The following GNAL variants were observed in gnomAD, a reference collection of about 807,000 sequenced individuals.
GNAL encodes the protein G protein subunit alpha L.
GNAL carries 18 observed loss-of-function variants against 55.1 expected under a neutral mutation model. That is an observed-to-expected ratio of 0.33 (90% CI 0.23 to 0.48). The LOEUF (loss-of-function observed/expected upper bound fraction) is 0.48, where lower values mean the gene tolerates loss of function less well. Among genes scored for constraint, GNAL ranks in the 20% least tolerant of loss-of-function variants. The pLI is 0.99. For missense variants in GNAL, 412 were observed against 614.1 expected (o/e 0.67, Z 3.48); for synonymous variants, 253 against 237.0 (o/e 1.07, Z -0.62).
At chr18:11,739,335 AG>A (rs891496054) in intron 1 of GNAL, among the ~76,000 whole-genome samples, 66 of 152,178 alleles carry the variant, frequency 4.3e-4, no homozygotes, top group African/African-American at 1.5e-3. Flanking sequence ...AGGTGTAGAC[AG>A]GTGAATCTTT....
chr18:11,757,736 G>A (rs971522404), intron 4 of GNAL, among the ~76,000 whole-genome samples: 2 of 152,188 alleles, frequency 1.3e-5, no homozygotes, highest in African/African-American at 2.4e-5. Flanking sequence ...CGACATCTAA[G>A]TGGAGACACC....
intron 10 of GNAL, among the ~76,000 whole-genome samples, chr18:11,875,708 C>A (rs1041875633): frequency 3.3e-5 from 5 of 152,176 alleles, no homozygotes; most frequent in African/African-American, 1.2e-4. Context: ...TCCCGTACAG[C>A]CTGCAGAACC....
In GNAL at chr18:11,689,523, T is replaced by TCGGCGCCCAGCCC. The variant is rs2143265261; in HGVS notation, c.-41_-40insCGGCGCCCAGCCC. 1 of 1,033,530 alleles carries TCGGCGCCCAGCCC rather than the reference T, an allele frequency of 9.7e-7. No homozygotes were observed. The highest frequency in any genetic ancestry group is 1.7e-5 in the African/African-American group (1 of 60,202). 64.0% of individuals were successfully genotyped at this position (1,033,530 alleles called of 1,614,324 possible). A position where few individuals can be genotyped will look rare whatever the true frequency, so the allele number is the denominator to read the frequency against. ...ACCAGGCCGCCCTCGGCGCCCAGCCTGCCCTAGTCCCGCGCGCCGCCCCCG... is the reference window on the plus strand; with the variant it reads ...ACCAGGCCGCCCTCGGCGCCCAGCCTCGGCGCCCAGCCCGCCCTAGTCCCGCGCGCCGCCCCCG... On this transcript the variant is annotated 5_prime_UTR_variant, in exon 1 of 12. Transcript: ENST00000334049.
At position 11,706,020 on chromosome 18, in the gene GNAL, G is replaced by T. The variant is rs533734993; in HGVS notation, c.376+16081G>T. Among the ~76,000 whole-genome samples, 4 of 152,226 alleles carry T rather than the reference G, an allele frequency of 2.6e-5. No individual in the cohort carries two copies. The South Asian group carries it at 8.3e-4, about 32-fold the overall frequency. On this transcript the variant is annotated intron_variant, in intron 1 of 11. Transcript: ENST00000334049. ...TCTGCCCACCTCGGCCTTTCAAAGT[G>T]CTGGGATTACAGTGTATGTCTTCTT...
At position 11,867,153 on chromosome 18, in the gene GNAL, C is replaced by T. The variant is rs181272883; in HGVS notation, c.852-15C>T. On this transcript the variant is annotated splice_polypyrimidine_tract_variant and intron_variant, in intron 7 of 11. Transcript: ENST00000334049. ...GCTTCCCCCAAATAATTGTGTTCCT[C>T]TTGCTCTTCCACAGCATGTTTGATG... 2.4e-4 allele frequency: 392 copies of T among 1,601,580 alleles called. 3 individuals are homozygous for T. The African/African-American group carries it at 4.9e-3, about 20-fold the overall frequency.
intron 1 of GNAL, among the ~76,000 whole-genome samples, chr18:11,745,216 G>A (rs2032663818): frequency 6.6e-6 from 1 of 152,144 alleles, no homozygotes; most frequent in African/African-American, 2.4e-5. Flanking sequence ...ATCTTGGCCT[G>A]TCGTGAACTG....
intron 1 of GNAL, among the ~76,000 whole-genome samples, chr18:11,704,934 A>T (rs1326542041): frequency 6.6e-6 from 1 of 151,984 alleles, no homozygotes; most frequent in East Asian, 1.9e-4. Flanking sequence ...TGCATCTTTG[A>T]GTTGATTTCC....
Position 11,868,823 on chromosome 18 carries a change from C to A in GNAL, c.1031+160C>A, listed in dbSNP as rs954085830. Among the ~76,000 whole-genome samples, 1 of 152,064 alleles carries A rather than the reference C, an allele frequency of 6.6e-6. No individual in the cohort carries two copies. The highest frequency in any genetic ancestry group is 2.4e-5 in the African/African-American group (1 of 41,404). The stretch of plus-strand genomic sequence containing the variant: ...CTCAGCAGTTGGAGACTAGCCTGGG[C>A]AACATGGAGAAACCCTGTCTCTACA... On this transcript the variant is annotated intron_variant, in intron 9 of 11. Transcript: ENST00000334049. This position sits in a 1 kb window ranked among gnomAD's most constrained non-coding sequence, Gnocchi z 4.0.
rs9955755 is a variant in GNAL, at chr18:11,737,035, C to T, written c.377-15818C>T. Among the ~76,000 whole-genome samples, 1,483 of 152,280 alleles carry T rather than the reference C, an allele frequency of 9.7e-3. 21 individuals carry two copies. Among genetic ancestry groups the T allele is most frequent in the African/African-American group, 0.034 (1,417 of 41,544 alleles). Reference sequence around the variant, plus strand: ...ACAATTGAAGTAACTGGGTGAAGAGCATGTGGAACATTTTTATACTATTCT... The same window carrying T: ...ACAATTGAAGTAACTGGGTGAAGAGTATGTGGAACATTTTTATACTATTCT... On this transcript the variant is annotated intron_variant, in intron 1 of 11. Transcript: ENST00000334049.
intron 4 of GNAL, among the ~76,000 whole-genome samples, chr18:11,789,616 TA>T (rs2034172524): frequency 6.6e-6 from 1 of 152,252 alleles, no homozygotes; most frequent in South Asian, 2.1e-4. Context: ...ATTATAAGCA[TA>T]AACAAAATGT....
intron 5 of GNAL, among the ~76,000 whole-genome samples, chr18:11,851,053 A>G (rs2035845994): frequency 6.6e-6 from 1 of 152,252 alleles, no homozygotes; most frequent in African/African-American, 2.4e-5. Context: ...TTAGCCCGCT[A>G]GCCAGTCACC....
intron 4 of GNAL, among the ~76,000 whole-genome samples, chr18:11,769,025 AT>A (rs1411881588): frequency 1.2e-5 from 1 of 84,810 alleles, no homozygotes; most frequent in Non-Finnish European, 2.0e-5. Flanking sequence ...CTATATTATA[AT>A]ATATTATATA....
intron 10 of GNAL, 119 bp downstream of exon 10, chr18:11,872,517 T>A (rs2071140): frequency 2.9e-6 from 2 of 679,572 alleles, no homozygotes; most frequent in South Asian, 3.6e-5. Context: ...TAAATCAATT[T>A]TCTTTCTACT....
chr18:11,712,718 C>A (rs2143368797), intron 1 of GNAL, among the ~76,000 whole-genome samples: 1 of 152,306 alleles, frequency 6.6e-6, no homozygotes, highest in East Asian at 1.9e-4. Context: ...AGCACGGATT[C>A]TTAGTTATTC....
At chr18:11,823,183 G>A (rs948601601) in intron 4 of GNAL, among the ~76,000 whole-genome samples, 3 of 152,074 alleles carry the variant, frequency 2.0e-5, no homozygotes, top group African/African-American at 7.2e-5. Context: ...GTATGGACTT[G>A]GATGGCTCTT....
At chr18:11,813,578 G>T (rs2034878446) in intron 4 of GNAL, among the ~76,000 whole-genome samples, 1 of 152,224 alleles carries the variant, frequency 6.6e-6, no homozygotes, top group Admixed American at 6.5e-5. Context: ...AACAAAGTTG[G>T]AGAAGTTAGA....
At chr18:11,828,825 G>T (rs1275609553) in intron 5 of GNAL, among the ~76,000 whole-genome samples, 1 of 152,194 alleles carries the variant, frequency 6.6e-6, no homozygotes, top group Non-Finnish European at 1.5e-5. Context: ...CGACCACTGT[G>T]TGAGACTTTG....
intron 4 of GNAL, among the ~76,000 whole-genome samples, chr18:11,818,523 C>T (rs531129555): frequency 6.6e-5 from 10 of 152,320 alleles, no homozygotes; most frequent in African/African-American, 1.7e-4. Context: ...ACAACTTAAA[C>T]GACTGTGTGT....
intron 5 of GNAL, among the ~76,000 whole-genome samples, chr18:11,844,830 C>T (rs111503258): frequency 2.2e-4 from 33 of 152,144 alleles, no homozygotes; most frequent in African/African-American, 5.5e-4. Flanking sequence ...GTACATTCGC[C>T]ATTTTTATTT....
Sources: gnomAD v4.1 joint callset for allele counts (sites outside exome capture counted in the v4.1 genomes callset) on GRCh38, gnomAD v4.1.1 for gene constraint, Gnocchi (gnomAD v3.1) non-coding constraint, MANE v1.5 for transcripts, NCBI Gene and HGNC (gene_info 2026-07-23, HGNC 2026-07-21) for gene names.